ARID5B: variants seen among roughly 807,000 people sequenced by gnomAD.
ARID5B encodes AT-rich interaction domain 5B, also known as AT-rich interactive domain-containing protein 5B.
A neutral mutation model predicts 97.2 loss-of-function variants in ARID5B; 13 were observed. The ratio of observed to expected loss-of-function variants is 0.13; its 90% CI spans 0.09 to 0.21. ARID5B has a LOEUF of 0.21. Ranked by LOEUF, ARID5B falls within the 10% of genes least tolerant of loss-of-function variation. The pLI is 1.00. For missense variants in ARID5B, 1,210 were observed against 1,465.3 expected (o/e 0.83, Z 2.84); for synonymous variants, 556 against 570.3 (o/e 0.97, Z 0.36).
At chr10:62,080,665 G>C (rs184176030) in intron 8 of ARID5B, among the ~76,000 whole-genome samples, 217 of 152,272 alleles carry the variant, frequency 1.4e-3, no homozygotes, top group African/African-American at 4.9e-3. Context: ...AAAGGGAAAT[G>C]TCTGGCCAAG....
chr10:62,016,338 G>A (rs1472189223), intron 4 of ARID5B, among the ~76,000 whole-genome samples: 1 of 152,092 alleles, frequency 6.6e-6, no homozygotes, highest in Admixed American at 6.5e-5. Context: ...GACCAATGAG[G>A]TTCATTAAAT....
chr10:61,907,137 C>T (rs976851038), intron 2 of ARID5B, among the ~76,000 whole-genome samples: 13 of 152,216 alleles, frequency 8.5e-5, no homozygotes, highest in African/African-American at 2.7e-4. Context: ...GGCTATCTTT[C>T]ATCTCCATGT....
At chr10:61,901,771 C>A (rs1564595524) in intron 1 of ARID5B, 41 bp downstream of exon 1, 3 of 1,602,874 alleles carry the variant, frequency 1.9e-6, no homozygotes, top group Non-Finnish European at 1.7e-6. Flanking sequence ...CGGCACCCCC[C>A]GGCACCCCCC....
chr10:61,912,524 A>G (rs764993260), intron 2 of ARID5B, among the ~76,000 whole-genome samples: 5 of 152,218 alleles, frequency 3.3e-5, no homozygotes, highest in Non-Finnish European at 7.4e-5. Flanking sequence ...ATCACATTGT[A>G]TACCTTAAAT....
Position 62,000,272 on chromosome 10 carries a change from C to A in ARID5B, c.684C>A (p.Thr228=), listed in dbSNP as rs753536280. The A allele has an allele frequency of 1.2e-6, 2 of 1,613,372 alleles. No individual in the cohort carries two copies. Among genetic ancestry groups the A allele is most frequent in the Non-Finnish European group, 1.7e-6 (2 of 1,179,774 alleles). Residue 228 remains threonine (T), a synonymous_variant, in exon 4 of 10, where the codon ACC becomes ACA. Transcript: ENST00000279873. The surrounding 1 kb of genome is among the most constrained non-coding windows in gnomAD (Gnocchi z 4.4). ...RNPQILYCRD[T]FDHPTLIENE... ...CTCAGATCCTGTACTGTCGGGACAC[C>A]TTTGACCACCCGACTCTCATAGAAA...
At chr10:62,024,313 A>G (rs1350184378) in intron 4 of ARID5B, among the ~76,000 whole-genome samples, 2 of 152,246 alleles carry the variant, frequency 1.3e-5, no homozygotes, top group Non-Finnish European at 2.9e-5. Context: ...AGAACTTAAG[A>G]GACTCCTAAT....
At chr10:62,001,876 A>G (rs1419383431) in intron 4 of ARID5B, among the ~76,000 whole-genome samples, 2 of 152,156 alleles carry the variant, frequency 1.3e-5, no homozygotes, top group African/African-American at 4.8e-5. Flanking sequence ...TTAGTATTCA[A>G]ATATCCTTTG....
rs1164342402 is a variant in ARID5B at position 61,983,867 on chromosome 10, C to CTTTTTTTTTT, written c.503-16202_503-16193dup. 5.1e-3 allele frequency among the ~76,000 whole-genome samples: 142 copies of CTTTTTTTTTT among 27,596 alleles called. 26 individuals are homozygous for CTTTTTTTTTT. Among genetic ancestry groups the CTTTTTTTTTT allele is most frequent in the African/African-American group, 0.02 (127 of 6,328 alleles). 18.1% of individuals were successfully genotyped at this position (27,596 alleles called of 152,430 possible). Reference sequence around the variant, plus strand: ...TATATTTTTTAAACCCCCTTTTGTTCTTTTTTTTTTTTTTTTTTTTTTTTT... The same window carrying CTTTTTTTTTT: ...TATATTTTTTAAACCCCCTTTTGTTCTTTTTTTTTTTTTTTTTTTTTTTTTTTTTTTTTTT... On this transcript the variant is annotated intron_variant, in intron 3 of 9. Transcript: ENST00000279873.
At chr10:61,904,058 C>A (rs1272069216) in intron 2 of ARID5B, among the ~76,000 whole-genome samples, 1 of 144,372 alleles carries the variant, frequency 6.9e-6, no homozygotes, top group African/African-American at 2.6e-5. Context: ...CCCCCTCCCC[C>A]GACCCAACTT....
chr10:62,015,880 C>T (rs988333099), intron 4 of ARID5B, among the ~76,000 whole-genome samples: 3 of 152,190 alleles, frequency 2.0e-5, no homozygotes, highest in African/African-American at 7.2e-5. Context: ...ACCTTGGCCT[C>T]CCAAAGTGCT....
chr10:61,993,281 A>G (rs940449114), intron 3 of ARID5B, among the ~76,000 whole-genome samples: 1 of 152,230 alleles, frequency 6.6e-6, no homozygotes, highest in Non-Finnish European at 1.5e-5. Context: ...AAAATACGGC[A>G]GGACACAGTA....
chr10:61,943,556 T>C (rs993097501), intron 3 of ARID5B, among the ~76,000 whole-genome samples: 1 of 151,666 alleles, frequency 6.6e-6, no homozygotes, highest in Non-Finnish European at 1.5e-5. Context: ...CAACATGTTA[T>C]CGTTTTTTAA....
At chr10:62,050,166 G>A (rs962867060) in intron 4 of ARID5B, among the ~76,000 whole-genome samples, 1 of 152,106 alleles carries the variant, frequency 6.6e-6, no homozygotes, top group African/African-American at 2.4e-5. Context: ...AACCCCCATG[G>A]AATCAGGCTA....
At chr10:61,914,717 G>T (rs1843869383) in intron 2 of ARID5B, among the ~76,000 whole-genome samples, 1 of 152,152 alleles carries the variant, frequency 6.6e-6, no homozygotes, top group Non-Finnish European at 1.5e-5. Context: ...GTCAGGCATT[G>T]CAAATACATT....
At chr10:62,044,466 A>G (rs1839681066) in intron 4 of ARID5B, among the ~76,000 whole-genome samples, 1 of 151,266 alleles carries the variant, frequency 6.6e-6, no homozygotes, top group Non-Finnish European at 1.5e-5. Context: ...CTGCAGCCTC[A>G]AACTGCTGAA....
chr10:61,957,712 T>TAGATGGC (rs1838411289), intron 3 of ARID5B, among the ~76,000 whole-genome samples: 1 of 152,256 alleles, frequency 6.6e-6, no homozygotes, highest in African/African-American at 2.4e-5. Flanking sequence ...GTTGAAATAA[T>TAGATGGC]ATTTTTGATA....
intron 2 of ARID5B, among the ~76,000 whole-genome samples, chr10:61,929,844 G>C (rs1435574538): frequency 6.6e-6 from 1 of 152,244 alleles, no homozygotes. Flanking sequence ...CAATTTAGCA[G>C]TTTATTATTA....
At chr10:62,071,589 GAGA>G (rs1269394030) in intron 8 of ARID5B, among the ~76,000 whole-genome samples, 65 of 148,462 alleles carry the variant, frequency 4.4e-4, no homozygotes, top group African/African-American at 1.4e-3. Flanking sequence ...TTGGCATGGA[GAGA>G]AGGACTCAAC....
intron 3 of ARID5B, among the ~76,000 whole-genome samples, chr10:61,977,919 C>T (rs1449814682): frequency 6.6e-6 from 1 of 152,188 alleles, no homozygotes; most frequent in Non-Finnish European, 1.5e-5. Context: ...GTGTTTTAGA[C>T]ATGAAGTCCT....
Sources: allele counts gnomAD v4.1 joint callset (sites outside exome capture counted in the v4.1 genomes callset), GRCh38; gene constraint gnomAD v4.1.1; non-coding constraint Gnocchi (gnomAD v3.1); transcripts MANE v1.5; gene names NCBI Gene and HGNC (gene_info 2026-07-23, HGNC 2026-07-21).